MEF2A: variants seen among roughly 807,000 people sequenced by gnomAD.
MEF2A encodes the protein myocyte-specific enhancer factor 2A.
In MEF2A, 28 loss-of-function variants were observed where a neutral mutation model predicts 55.8. That is an observed-to-expected ratio of 0.50 (90% CI 0.37 to 0.69). The LOEUF (loss-of-function observed/expected upper bound fraction) is 0.69, where lower values mean the gene tolerates loss of function less well. MEF2A is among the 30% of genes least tolerant of loss of function. MEF2A has a pLI of 0.00. For missense variants in MEF2A, 528 were observed against 626.2 expected (o/e 0.84, Z 1.67); for synonymous variants, 239 against 227.1 (o/e 1.05, Z -0.47).
chr15:99,695,096 G>A (rs1162350777), intron 8 of MEF2A, among the ~76,000 whole-genome samples: 1 of 151,804 alleles, frequency 6.6e-6, no homozygotes, highest in South Asian at 2.1e-4. Context: ...TTTCTCCAAG[G>A]AACATTATTT....
rs141684036 is a variant in MEF2A, at chr15:99,675,834, T to C, written c.670+376T>C. 3.3e-5 allele frequency among the ~76,000 whole-genome samples: 5 copies of C among 152,254 alleles called. No homozygotes were observed. The East Asian group carries it at 9.6e-4, about 29-fold the overall frequency. ...GGGCAGATTGCCTGAGCTGAAGAGT[T>C]TGTGACCAGCCTGGGCAACACTGTG... On this transcript the variant is annotated intron_variant, in intron 7 of 11. Coordinates refer to ENST00000557942, the MANE Select transcript of MEF2A (RefSeq NM_001319206.4).
At chr15:99,568,384 A>G (rs1960676584) in intron 1 of MEF2A, among the ~76,000 whole-genome samples, 1 of 152,166 alleles carries the variant, frequency 6.6e-6, no homozygotes, top group Admixed American at 6.5e-5. Flanking sequence ...AGTTGTTTCA[A>G]ATGGTGATGT....
intron 1 of MEF2A, among the ~76,000 whole-genome samples, chr15:99,585,339 T>G (rs1056982933): frequency 6.6e-6 from 1 of 152,232 alleles, no homozygotes; most frequent in Non-Finnish European, 1.5e-5. Context: ...CAATCTCGTT[T>G]CGTGAGTGTG....
In MEF2A at chr15:99,567,710, CTTTTG is replaced by C. The variant is rs371041185; in HGVS notation, c.-225+1611_-225+1615del. 3.0e-3 allele frequency among the ~76,000 whole-genome samples: 447 copies of C among 148,380 alleles called. 3 individuals carry two copies. Among genetic ancestry groups the C allele is most frequent in the African/African-American group, 0.011 (418 of 39,718 alleles). ...CCATTTCTTTTTCTGTAAATTACAA[CTTTTG>C]TTTTAGGGAATCAAGAGTTTTCACT... On this transcript the variant is annotated intron_variant, in intron 1 of 11. Transcript: ENST00000557942.
intron 7 of MEF2A, among the ~76,000 whole-genome samples, chr15:99,677,772 A>C (rs1014154747): frequency 5.3e-5 from 8 of 151,968 alleles, no homozygotes; most frequent in Non-Finnish European, 1.2e-4. Context: ...AGAAATTTAA[A>C]CCTTTATGAA....
At chr15:99,696,290 G>A (rs1482319728) in intron 8 of MEF2A, among the ~76,000 whole-genome samples, 1 of 152,094 alleles carries the variant, frequency 6.6e-6, no homozygotes, top group South Asian at 2.1e-4. Flanking sequence ...CACATCACTC[G>A]ACAACAGCAG....
rs1248761924 is a variant in MEF2A, at chr15:99,602,698, G to A, written c.-143+4187G>A. ...TGTGTGTGTGTGTGTGTGTGTGTGTGTAGGGGTGGGGAGCTTTTTGTGTGT... is the reference window on the plus strand; with the variant it reads ...TGTGTGTGTGTGTGTGTGTGTGTGTATAGGGGTGGGGAGCTTTTTGTGTGT... On this transcript the variant is annotated intron_variant, in intron 2 of 11. Transcript: ENST00000557942. 1.2e-3 allele frequency among the ~76,000 whole-genome samples: 104 copies of A among 89,512 alleles called. 2 individuals are homozygous for A. Among genetic ancestry groups the A allele is most frequent in the African/African-American group, 4.7e-3 (95 of 20,094 alleles). 58.7% of individuals were successfully genotyped at this position (89,512 alleles called of 152,430 possible).
At chr15:99,619,061 G>A (rs1186524323) in intron 2 of MEF2A, among the ~76,000 whole-genome samples, 1 of 152,332 alleles carries the variant, frequency 6.6e-6, no homozygotes, top group East Asian at 1.9e-4. Flanking sequence ...CATGGCTATT[G>A]AGGATGGAAG....
chr15:99,633,178 A>G lies in MEF2A; in HGVS notation c.54+5A>G, dbSNP rs778976527. ...ATGGATGAAAGGAACCGACAGGTAA[A>G]TGAAAATTTTAATTTATTTAATTGA... On this transcript the variant is annotated splice_donor_5th_base_variant and intron_variant, in intron 3 of 11. Transcript: ENST00000557942. 1.3e-6 allele frequency: 2 copies of G among 1,554,702 alleles called. No homozygotes were observed. The highest frequency in any genetic ancestry group is 2.5e-5 in the South Asian group (2 of 80,340).
chr15:99,600,633 T>C (rs1972658170), intron 2 of MEF2A, among the ~76,000 whole-genome samples: 1 of 152,178 alleles, frequency 6.6e-6, no homozygotes. Flanking sequence ...AGATATCATA[T>C]TGTTCCAGCA....
intron 2 of MEF2A, among the ~76,000 whole-genome samples, chr15:99,617,727 T>G (rs1199686064): frequency 6.6e-6 from 1 of 152,180 alleles, no homozygotes; most frequent in African/African-American, 2.4e-5. Context: ...TCTTTCATTC[T>G]AAATTTTTTT....
At chr15:99,591,191 CAGTGTTTCTTG>C (rs1348138862) in intron 1 of MEF2A, among the ~76,000 whole-genome samples, 1 of 152,168 alleles carries the variant, frequency 6.6e-6, no homozygotes, top group Admixed American at 6.5e-5. Context: ...ACTCTTCCTT[CAGTGTTTCTTG>C]GATTGCAGGC....
chr15:99,622,266 A>G (rs922933431), intron 2 of MEF2A, among the ~76,000 whole-genome samples: 1 of 152,188 alleles, frequency 6.6e-6, no homozygotes. Context: ...TGTTGCCTGA[A>G]TAACAGATAT....
chr15:99,652,851 T>C (rs1305837737), intron 4 of MEF2A, among the ~76,000 whole-genome samples: 1 of 152,226 alleles, frequency 6.6e-6, no homozygotes, highest in East Asian at 1.9e-4. Context: ...AAATTTATTG[T>C]ACTGATGTTT....
intron 2 of MEF2A, among the ~76,000 whole-genome samples, chr15:99,610,004 T>A (rs1450974820): frequency 6.6e-6 from 1 of 152,096 alleles, no homozygotes; most frequent in Non-Finnish European, 1.5e-5. Context: ...CTTACTTAGA[T>A]CAATTTTTTT....
At chr15:99,699,952 ATGTG>A (rs752346994) in intron 8 of MEF2A, among the ~76,000 whole-genome samples, 5,659 of 130,470 alleles carry the variant, frequency 0.043, 400 homozygotes, top group African/African-American at 0.16. Flanking sequence ...AAGAGTTTAT[ATGTG>A]TGTGTGTGTG....
chr15:99,686,364 T>C (rs949743977), intron 7 of MEF2A, among the ~76,000 whole-genome samples: 3 of 152,224 alleles, frequency 2.0e-5, no homozygotes, highest in Non-Finnish European at 4.4e-5. Flanking sequence ...TTTCAGGTTT[T>C]GTTTCAAGAT....
intron 2 of MEF2A, among the ~76,000 whole-genome samples, chr15:99,608,257 T>G (rs889373788): frequency 2.0e-5 from 3 of 152,230 alleles, no homozygotes; most frequent in Non-Finnish European, 4.4e-5. Context: ...TAATCAAATT[T>G]AGTTAATTTC....
intron 1 of MEF2A, among the ~76,000 whole-genome samples, chr15:99,583,604 C>G (rs768310064): frequency 3.3e-5 from 5 of 151,988 alleles, no homozygotes; most frequent in African/African-American, 1.2e-4. Context: ...TTAGCTTGTA[C>G]CATGATACTG....
Sources: gnomAD v4.1 joint callset for allele counts (sites outside exome capture counted in the v4.1 genomes callset) on GRCh38, gnomAD v4.1.1 for gene constraint, MANE v1.5 for transcripts, NCBI Gene and HGNC (gene_info 2026-07-23, HGNC 2026-07-21) for gene names.